Variants in ENTREP2 observed in about 807,000 individuals in gnomAD.
ENTREP2 encodes the protein protein ENTREP2.
chr15:29,286,062 A>G, the ENTREP2 span, among the ~76,000 whole-genome samples: 1 of 152,226 alleles, frequency 6.6e-6, no homozygotes, highest in East Asian at 1.9e-4. Context: ...AACTTAAACA[A>G]TCACTACAAC....
the ENTREP2 span, among the ~76,000 whole-genome samples, chr15:29,177,804 G>A: frequency 6.6e-6 from 1 of 151,870 alleles, no homozygotes; most frequent in Admixed American, 6.6e-5. Flanking sequence ...GTTACTGGGA[G>A]AGGGAAGGCT....
At chr15:29,226,767 A>C in the ENTREP2 span, among the ~76,000 whole-genome samples, 1 of 152,310 alleles carries the variant, frequency 6.6e-6, no homozygotes, top group Admixed American at 6.5e-5. Context: ...TACCCCCTCA[A>C]GAAGAAATTC....
At chr15:29,665,487 G>A in the ENTREP2 span, among the ~76,000 whole-genome samples, 1 of 152,176 alleles carries the variant, frequency 6.6e-6, no homozygotes, top group Non-Finnish European at 1.5e-5. Context: ...TTTCTTGCTG[G>A]TGGTAATGGA....
chr15:29,318,873 A>T, the ENTREP2 span, among the ~76,000 whole-genome samples: 5 of 152,244 alleles, frequency 3.3e-5, no homozygotes, highest in African/African-American at 1.2e-4. Flanking sequence ...GGTAGAAACC[A>T]GTTTCTGCAA....
At chr15:29,529,720 G>A in the ENTREP2 span, among the ~76,000 whole-genome samples, 1 of 152,162 alleles carries the variant, frequency 6.6e-6, no homozygotes, top group African/African-American at 2.4e-5. Flanking sequence ...TTGTCTCACA[G>A]AGAATGACAC....
the ENTREP2 span, chr15:29,124,825 A>G: frequency 2.9e-6 from 4 of 1,385,192 alleles, no homozygotes; most frequent in African/African-American, 5.7e-5. Flanking sequence ...GAAAGCTATC[A>G]TAACCCGCCT....
At chr15:29,437,929 C>T in the ENTREP2 span, among the ~76,000 whole-genome samples, 1 of 152,202 alleles carries the variant, frequency 6.6e-6, no homozygotes, top group Non-Finnish European at 1.5e-5. Context: ...ATGTCAGTTA[C>T]TTAATTACAA....
chr15:29,543,775 T>A, the ENTREP2 span, among the ~76,000 whole-genome samples: 1 of 145,670 alleles, frequency 6.9e-6, no homozygotes, highest in Non-Finnish European at 1.5e-5. Context: ...CAAGACTCTA[T>A]CTCAAAAAAA....
At chr15:29,600,471 AATC>A in the ENTREP2 span, among the ~76,000 whole-genome samples, 2 of 109,780 alleles carry the variant, frequency 1.8e-5, no homozygotes, top group Non-Finnish European at 2.2e-5. Flanking sequence ...CATCATCATC[AATC>A]ATCATCATCG....
the ENTREP2 span, among the ~76,000 whole-genome samples, chr15:29,646,365 C>T: frequency 2.0e-5 from 3 of 152,102 alleles, no homozygotes; most frequent in African/African-American, 4.8e-5. Flanking sequence ...CGTGCTTACT[C>T]GGGATGCCGG....
the ENTREP2 span, among the ~76,000 whole-genome samples, chr15:29,595,394 C>A: frequency 6.6e-6 from 1 of 152,196 alleles, no homozygotes; most frequent in South Asian, 2.1e-4. Flanking sequence ...TTACCTTAAT[C>A]TGGTAGATTT....
At chr15:29,657,042 G>A in the ENTREP2 span, among the ~76,000 whole-genome samples, 2 of 152,030 alleles carry the variant, frequency 1.3e-5, no homozygotes, top group Admixed American at 1.3e-4. Context: ...CCTTCGTGGT[G>A]AGTGTTACAG....
the ENTREP2 span, among the ~76,000 whole-genome samples, chr15:29,650,589 T>C: frequency 6.7e-6 from 1 of 149,788 alleles, no homozygotes; most frequent in African/African-American, 2.5e-5. Flanking sequence ...TGAGACTCCA[T>C]CTCAAAAAAA....
At chr15:29,433,671 C>T in the ENTREP2 span, among the ~76,000 whole-genome samples, 14 of 151,866 alleles carry the variant, frequency 9.2e-5, no homozygotes, top group Admixed American at 2.6e-4. Flanking sequence ...CCACTGGCAG[C>T]TGGTAGGGAT....
At chr15:29,349,003 T>C in the ENTREP2 span, among the ~76,000 whole-genome samples, 1 of 152,220 alleles carries the variant, frequency 6.6e-6, no homozygotes, top group African/African-American at 2.4e-5. Context: ...TCAACTGAAG[T>C]TGCAATTAAC....
the ENTREP2 span, among the ~76,000 whole-genome samples, chr15:29,389,019 C>T: frequency 1.3e-4 from 20 of 151,456 alleles, no homozygotes; most frequent in Admixed American, 2.6e-4. Flanking sequence ...ATGTAAATGA[C>T]GAGTTAATGG....
the ENTREP2 span, among the ~76,000 whole-genome samples, chr15:29,411,858 T>C: frequency 6.6e-6 from 1 of 152,242 alleles, no homozygotes; most frequent in African/African-American, 2.4e-5. Flanking sequence ...CCATTTATGG[T>C]AGACTCCCTG....
the ENTREP2 span, among the ~76,000 whole-genome samples, chr15:29,472,561 T>A: frequency 6.6e-6 from 1 of 151,158 alleles, no homozygotes; most frequent in Non-Finnish European, 1.5e-5. Context: ...GCCTCCTGGG[T>A]TCAAGCAATT....
chr15:29,617,715 C>G, the ENTREP2 span, among the ~76,000 whole-genome samples: 1 of 152,194 alleles, frequency 6.6e-6, no homozygotes, highest in Non-Finnish European at 1.5e-5. Context: ...AATTTCAGAT[C>G]AGTGGGTGGA....
Sources: allele counts gnomAD v4.1 joint callset (sites outside exome capture counted in the v4.1 genomes callset), GRCh38; gene constraint gnomAD v4.1.1; transcripts MANE v1.5; gene names NCBI Gene and HGNC (gene_info 2026-07-23, HGNC 2026-07-21).